Variants in TIMP3 observed in about 807,000 individuals in gnomAD.
The protein encoded by TIMP3 is TIMP metallopeptidase inhibitor 3.
In TIMP3, 11 loss-of-function variants were observed where a neutral mutation model predicts 30.0. That is an observed-to-expected ratio of 0.37 (90% CI 0.23 to 0.61). TIMP3 has a LOEUF of 0.61. TIMP3 is among the 20% of genes least tolerant of loss of function. TIMP3 has a pLI of 0.70. For missense variants in TIMP3, 181 were observed against 276.8 expected (o/e 0.65, Z 2.45); for synonymous variants, 112 against 111.3 (o/e 1.01, Z -0.04).
chr22:32,855,100 AC>A (rs1370718750), intron 2 of TIMP3, among the ~76,000 whole-genome samples: 1 of 152,100 alleles, frequency 6.6e-6, no homozygotes, highest in East Asian at 1.9e-4. Context: ...CCTATTATAA[AC>A]CCTTGGGACA....
At chr22:32,806,455 A>G (rs2046738914) in intron 1 of TIMP3, among the ~76,000 whole-genome samples, 1 of 152,204 alleles carries the variant, frequency 6.6e-6, no homozygotes, top group South Asian at 2.1e-4. Flanking sequence ...CATTCCAGCC[A>G]GTATGGACAA....
Position 32,802,116 on chromosome 22 carries a change from G to A in TIMP3, c.115G>A (p.Asp39Asn), listed in dbSNP as rs2046604391. The change falls in exon 1 of 5, where the codon GAC (aspartate) becomes AAC (asparagine). Residue 39 changes from aspartate (D) to asparagine (N), a missense_variant. Physicochemically the swap from Asp to Asn is conservative, Grantham distance 23 (BLOSUM62 1). Transcript: ENST00000266085. ...CCCCCAGGACGCCTTCTGCAACTCCGACATCGGTAAGCGCTCCTGGTGCCC... is the reference window on the plus strand; with the variant it reads ...CCCCCAGGACGCCTTCTGCAACTCCAACATCGGTAAGCGCTCCTGGTGCCC... ...SHPQDAFCNS[D>N]IVIRAKVVGK... 6.3e-7 allele frequency: 1 copy of A among 1,582,460 alleles called. No homozygotes were observed. Among genetic ancestry groups the A allele is most frequent in the South Asian group, 1.1e-5 (1 of 87,414 alleles).
chr22:32,835,595 G>A (rs1305342789), intron 1 of TIMP3, among the ~76,000 whole-genome samples: 1 of 152,172 alleles, frequency 6.6e-6, no homozygotes, highest in Non-Finnish European at 1.5e-5. Flanking sequence ...AATGGTATGT[G>A]CAAAGGCCCC....
intron 1 of TIMP3, among the ~76,000 whole-genome samples, chr22:32,808,922 G>A (rs1245171460): frequency 6.6e-6 from 1 of 152,170 alleles, no homozygotes; most frequent in Non-Finnish European, 1.5e-5. Flanking sequence ...ACCCACTTTA[G>A]AGGGTAAGCA....
intron 1 of TIMP3, among the ~76,000 whole-genome samples, chr22:32,843,070 G>C (rs1176456817): frequency 6.6e-6 from 1 of 152,042 alleles, no homozygotes; most frequent in Non-Finnish European, 1.5e-5. Flanking sequence ...TGCTGTCCTG[G>C]GGGACCTCCC....
chr22:32,818,985 C>T (rs566662355), intron 1 of TIMP3, among the ~76,000 whole-genome samples: 3 of 152,364 alleles, frequency 2.0e-5, no homozygotes, highest in Admixed American at 1.3e-4. Context: ...GCCTCCTCCT[C>T]CTCTGACACA....
chr22:32,803,773 A>G (rs1601393589), intron 1 of TIMP3, among the ~76,000 whole-genome samples: 1 of 152,188 alleles, frequency 6.6e-6, no homozygotes, highest in African/African-American at 2.4e-5. Context: ...TGGCAGGTGG[A>G]ATCAGGGTGT....
Position 32,859,273 on chromosome 22 carries a change from C to G in TIMP3, c.532C>G (p.Gln178Glu), listed in dbSNP as rs2048468257. The change falls in exon 5 of 5, where the codon CAG becomes GAG. Residue 178 changes from glutamine to glutamate, a missense_variant. By Grantham distance (29) the Gln-to-Glu change is conservative. Coordinates refer to ENST00000266085, the MANE Select transcript of TIMP3 (RefSeq NM_000362.5). ...CTCCAATTTCGGTTACCCTGGCTAC[C>G]AGTCCAAACACTACGCCTGCATCCG... ...MLSNFGYPGY[Q>E]SKHYACIRQK... 1.2e-6 allele frequency: 2 copies of G among 1,614,096 alleles called. No individual in the cohort carries two copies. Among genetic ancestry groups the G allele is most frequent in the Admixed American group, 1.7e-5 (1 of 60,004 alleles).
At chr22:32,833,866 C>T in intron 1 of TIMP3, 1 of 500,438 alleles carries the variant, frequency 2.0e-6, no homozygotes, top group Non-Finnish European at 4.0e-6. Context: ...TGGAAAGTGC[C>T]TGATAGCTGA....
In TIMP3 at chr22:32,862,063, C is replaced by T. The variant is rs2267184; in HGVS notation, c.*2686C>T. The T allele has an allele frequency of 0.27, 40,704 of 152,452 alleles. 5,642 individuals carry two copies. Among genetic ancestry groups the T allele is most frequent in the African/African-American group, 0.32 (13,335 of 41,458 alleles). 9.4% of individuals were successfully genotyped at this position (152,452 alleles called of 1,614,324 possible). On this transcript the variant is annotated 3_prime_UTR_variant, in exon 5 of 5. Transcript: ENST00000266085. ...TAGTAACTGAGACTCCTCCAGCCTC[C>T]TCCCTATTGGAATCCCAATGGCTCC...
At chr22:32,826,859 G>C (rs895828001) in intron 1 of TIMP3, among the ~76,000 whole-genome samples, 20 of 152,138 alleles carry the variant, frequency 1.3e-4, no homozygotes, top group African/African-American at 4.6e-4. Context: ...TCTCCCACTT[G>C]ATCCCTGTGA....
At chr22:32,803,124 G>A (rs890560046) in intron 1 of TIMP3, among the ~76,000 whole-genome samples, 5 of 152,142 alleles carry the variant, frequency 3.3e-5, no homozygotes, top group Admixed American at 6.5e-5. Context: ...CCCATAAAGC[G>A]TGCAAGTCCA....
At chr22:32,805,343 C>T (rs1164282338) in intron 1 of TIMP3, among the ~76,000 whole-genome samples, 1 of 152,132 alleles carries the variant, frequency 6.6e-6, no homozygotes, top group African/African-American at 2.4e-5. Flanking sequence ...CTGAGGTTGT[C>T]GTTTTAGCAA....
intron 1 of TIMP3, among the ~76,000 whole-genome samples, chr22:32,819,402 A>G (rs1007083154): frequency 2.0e-5 from 3 of 152,264 alleles, no homozygotes; most frequent in African/African-American, 7.2e-5. Flanking sequence ...CCAAACATGT[A>G]GAAGGGTGTA....
chr22:32,857,642 C>T (rs2048407650), intron 3 of TIMP3, among the ~76,000 whole-genome samples: 2 of 152,176 alleles, frequency 1.3e-5, no homozygotes, highest in South Asian at 4.1e-4. Context: ...TGTTCCTCTC[C>T]ACCTCACACT....
Position 32,858,087 on chromosome 22 carries a change from C to T in TIMP3, c.387C>T (p.Leu129=). ...TGGAGAGGTGGGACCAGCTCACCCT[C>T]TCCCAGCGCAAGGGGCTGAACTATC... is the stretch of plus-strand genomic sequence containing the variant. The part of the protein sequence containing the change: ...NFVERWDQLT[L]SQRKGLNYRY... The change falls in exon 4 of 5, where the codon CTC becomes CTT. Residue 129 remains leucine, a synonymous_variant. Transcript: ENST00000266085. 10 of 1,614,216 alleles carry T rather than the reference C, an allele frequency of 6.2e-6. No individual in the cohort carries two copies. Among genetic ancestry groups the T allele is most frequent in the Non-Finnish European group, 8.5e-6 (10 of 1,180,048 alleles).
At chr22:32,845,601 A>G (rs1251323372) in intron 1 of TIMP3, among the ~76,000 whole-genome samples, 2 of 152,162 alleles carry the variant, frequency 1.3e-5, no homozygotes, top group Non-Finnish European at 2.9e-5. Flanking sequence ...CCAATGTTCC[A>G]GACACCAACC....
Position 32,849,554 on chromosome 22 carries a change from T to G in TIMP3, c.204+20T>G, listed in dbSNP as rs1227305189. The G allele has an allele frequency of 6.2e-7, 1 of 1,609,208 alleles. No individual in the cohort carries two copies. The highest frequency in any genetic ancestry group is 1.7e-5 in the Admixed American group (1 of 59,694). ...ATGAAGGTAGGTAATGTCATCACCC[T>G]GGCTCCGGGAAGGTTTTTGGGTTTT... On this transcript the variant is annotated intron_variant, in intron 2 of 4. Transcript: ENST00000266085.
intron 1 of TIMP3, among the ~76,000 whole-genome samples, chr22:32,842,893 G>A (rs980904077): frequency 2.6e-5 from 4 of 152,182 alleles, no homozygotes; most frequent in African/African-American, 9.7e-5. Context: ...AGGGTGGTGG[G>A]TGGGTGATCA....
Sources: allele counts gnomAD v4.1 joint callset (sites outside exome capture counted in the v4.1 genomes callset), GRCh38; gene constraint gnomAD v4.1.1; transcripts MANE v1.5; gene names NCBI Gene and HGNC (gene_info 2026-07-23, HGNC 2026-07-21).